The following MFHAS1 variants were observed in gnomAD, a reference collection of about 807,000 sequenced individuals.
MFHAS1 encodes multifunctional ROCO family signaling regulator 1.
MFHAS1 carries 50 observed loss-of-function variants against 70.4 expected under a neutral mutation model. The observed-to-expected ratio is 0.71, with a 90% CI of 0.57 to 0.90. The LOEUF (loss-of-function observed/expected upper bound fraction) is 0.90. Ranked by LOEUF, MFHAS1 falls within the 40% of genes least tolerant of loss-of-function variation. The probability of loss-of-function intolerance (pLI) is 0.00; values close to 1 mark genes in which losing one functional copy is unlikely to be tolerated. For synonymous variants in MFHAS1, 952 were observed against 620.0 expected (o/e 1.54, Z -7.96); for missense variants, 1,795 against 1,347.6 (o/e 1.33, Z -5.20).
rs201875377 is a variant in MFHAS1, at chr8:8,891,366, C to G, written c.1693G>C (p.Asp565His). Residue 565 changes from aspartate (D) to histidine (H), a missense_variant, in exon 1 of 3, where the codon GAC (aspartate) becomes CAC (histidine). Physicochemically the swap from Asp to His is moderately conservative, Grantham distance 81. Coordinates refer to ENST00000276282, the MANE Select transcript of MFHAS1 (RefSeq NM_004225.3). This position sits in a 1 kb window ranked among gnomAD's most constrained non-coding sequence, Gnocchi z 5.4. ...HRQIALQEKHDAEGLSRLAKV... is the reference protein window; with the variant it reads ...HRQIALQEKHHAEGLSRLAKV... ...GCCAAGCGGCTCAGTCCCTCCGCGT[C>G]GTGCTTCTCCTGCAGGGCGATCTGG... is the stretch of plus-strand genomic sequence containing the variant. 5 of 1,611,250 alleles carry G rather than the reference C, an allele frequency of 3.1e-6. No individual in the cohort carries two copies. Among genetic ancestry groups the G allele is most frequent in the Non-Finnish European group, 4.2e-6 (5 of 1,180,030 alleles).
chr8:8,862,388 G>GT (rs11446754), intron 1 of MFHAS1, among the ~76,000 whole-genome samples: 69,997 of 146,916 alleles, frequency 0.48, 16,993 homozygotes, highest in East Asian at 0.71. Context: ...GCTATAAGAG[G>GT]TTTTTTTTTT....
intron 1 of MFHAS1, among the ~76,000 whole-genome samples, chr8:8,849,014 A>G (rs1400598147): frequency 6.6e-6 from 1 of 151,510 alleles, no homozygotes; most frequent in Non-Finnish European, 1.5e-5. Context: ...CTAGCAGGGT[A>G]AAGGTACACA....
At position 8,783,387 on chromosome 8, in the gene MFHAS1, C is replaced by CT. The variant is rs1563170746; in HGVS notation, c.*2634dup. On this transcript the variant is annotated 3_prime_UTR_variant, in exon 3 of 3. Transcript: ENST00000276282. ...TTTCTTTGTATTTTTATTGATTTTT[C>CT]TTTTTTAATTTCTGCCCAGTTACAA... is the stretch of plus-strand genomic sequence containing the variant. The CT allele has an allele frequency of 6.6e-6, 1 of 152,078 alleles. No homozygotes were observed. The highest frequency in any genetic ancestry group is 2.4e-5 in the African/African-American group (1 of 41,406). The allele number at this position is 152,078 out of a possible 1,614,324, so 9.4% of individuals were successfully genotyped here.
intron 1 of MFHAS1, among the ~76,000 whole-genome samples, chr8:8,862,951 G>A (rs543332172): frequency 3.0e-4 from 45 of 152,298 alleles, no homozygotes; most frequent in African/African-American, 1.0e-3. Context: ...TTTCTCCTAT[G>A]CTTCCTTGGT....
At chr8:8,880,144 A>G (rs1041459919) in intron 1 of MFHAS1, among the ~76,000 whole-genome samples, 1 of 152,094 alleles carries the variant, frequency 6.6e-6, no homozygotes, top group South Asian at 2.1e-4. Flanking sequence ...GATCCCCACA[A>G]CCGTGTCCAA....
rs550753706 is a variant in MFHAS1, at chr8:8,812,187, A to G, written c.2999-14696T>C. On this transcript the variant is annotated intron_variant, in intron 1 of 2. Transcript: ENST00000276282. ...GGAGAAGCCCGTAAGTGTAGTGCAA[A>G]ATGTCCTCTTCTGAATCGTAGTTGC... 3.5e-3 allele frequency among the ~76,000 whole-genome samples: 527 copies of G among 152,182 alleles called. 8 individuals carry two copies. The highest frequency in any genetic ancestry group is 5.0e-3 in the Non-Finnish European group (339 of 68,012).
Position 8,785,737 on chromosome 8 carries a change from C to CTTTT in MFHAS1, c.*281_*284dup, listed in dbSNP as rs36026181. On this transcript the variant is annotated 3_prime_UTR_variant, in exon 3 of 3. Transcript: ENST00000276282. ...ACAAAATCCCTGAGAAGCCATTCGA[C>CTTTT]TTTTTTTTTTTTTTTTTCTTTTCTT... The CTTTT allele has an allele frequency of 5.2e-5, 12 of 230,002 alleles. No homozygotes were observed. The highest frequency in any genetic ancestry group is 1.4e-3 in the Middle Eastern group (1 of 708). The allele number at this position is 230,002 out of a possible 1,614,324, so 14.2% of individuals were successfully genotyped here. A position where few individuals can be genotyped will look rare whatever the true frequency, so the allele number is the denominator to read the frequency against.
intron 2 of MFHAS1, among the ~76,000 whole-genome samples, chr8:8,793,565 C>G (rs1429731440): frequency 6.6e-6 from 1 of 152,240 alleles, no homozygotes; most frequent in Non-Finnish European, 1.5e-5. Context: ...CCCAACATGA[C>G]TGACAGCCGT....
In MFHAS1 at chr8:8,875,415, T is replaced by C. The variant is rs77545356; in HGVS notation, c.2998+14646A>G. On this transcript the variant is annotated intron_variant, in intron 1 of 2. Transcript: ENST00000276282. ...CTGTATAAATACTAATCACAGGAAATTATATCCATGTTAGCATAAGTTTAA... is the reference window on the plus strand; with the variant it reads ...CTGTATAAATACTAATCACAGGAAACTATATCCATGTTAGCATAAGTTTAA... 7.0e-3 allele frequency among the ~76,000 whole-genome samples: 1,060 copies of C among 152,322 alleles called. 17 individuals are homozygous for C. The highest frequency in any genetic ancestry group is 0.025 in the African/African-American group (1,022 of 41,568).
intron 1 of MFHAS1, among the ~76,000 whole-genome samples, chr8:8,801,338 T>G (rs990839567): frequency 1.3e-5 from 2 of 152,218 alleles, no homozygotes; most frequent in Non-Finnish European, 2.9e-5. Flanking sequence ...TTGGGTCTTA[T>G]CTCTAGCAGG....
At chr8:8,802,408 A>G (rs1806111149) in intron 1 of MFHAS1, among the ~76,000 whole-genome samples, 1 of 152,228 alleles carries the variant, frequency 6.6e-6, no homozygotes, top group East Asian at 1.9e-4. Flanking sequence ...CTATTACTGT[A>G]GTCACGAGAA....
chr8:8,822,371 C>G (rs1325735190), intron 1 of MFHAS1, among the ~76,000 whole-genome samples: 1 of 152,070 alleles, frequency 6.6e-6, no homozygotes, highest in African/African-American at 2.4e-5. Context: ...GTGACCATGC[C>G]TGATGCAGAG....
intron 1 of MFHAS1, among the ~76,000 whole-genome samples, chr8:8,823,794 C>T (rs762410746): frequency 6.9e-6 from 1 of 145,556 alleles, no homozygotes; most frequent in Non-Finnish European, 1.5e-5. Context: ...TGATGTAGCA[C>T]AGAAGATAGT....
At chr8:8,804,325 T>G (rs1307083901) in intron 1 of MFHAS1, among the ~76,000 whole-genome samples, 1 of 152,148 alleles carries the variant, frequency 6.6e-6, no homozygotes, top group African/African-American at 2.4e-5. Context: ...GTAAGGAAAT[T>G]TCCATTTTCA....
At position 8,864,161 on chromosome 8, in the gene MFHAS1, T is replaced by C. The variant is rs113153705; in HGVS notation, c.2998+25900A>G. ...TAAAGCCTTCTTCCCTGGCAACACTTGTCTCAGCAGTGATTGGCTTTCTGT... is the reference window on the plus strand; with the variant it reads ...TAAAGCCTTCTTCCCTGGCAACACTCGTCTCAGCAGTGATTGGCTTTCTGT... On this transcript the variant is annotated intron_variant, in intron 1 of 2. Transcript: ENST00000276282. Among the ~76,000 whole-genome samples the C allele has an allele frequency of 5.2e-3, 791 of 152,338 alleles. 6 individuals are homozygous for C. The highest frequency in any genetic ancestry group is 0.018 in the African/African-American group (757 of 41,574).
At chr8:8,820,396 G>A (rs1393559336) in intron 1 of MFHAS1, among the ~76,000 whole-genome samples, 1 of 152,048 alleles carries the variant, frequency 6.6e-6, no homozygotes, top group African/African-American at 2.4e-5. Context: ...CTTCCAAGCA[G>A]AATCAAGCCA....
intron 1 of MFHAS1, among the ~76,000 whole-genome samples, chr8:8,862,853 T>C (rs1808719043): frequency 6.6e-6 from 1 of 152,252 alleles, no homozygotes. Context: ...TCATGCCTTC[T>C]GTGCAATTTT....
chr8:8,803,127 G>C (rs1440490215), intron 1 of MFHAS1, among the ~76,000 whole-genome samples: 1 of 152,182 alleles, frequency 6.6e-6, no homozygotes, highest in Admixed American at 6.5e-5. Context: ...AACAAGGTTT[G>C]CTCTTGGCTC....
At chr8:8,880,853 T>A (rs1470486371) in intron 1 of MFHAS1, among the ~76,000 whole-genome samples, 1 of 151,976 alleles carries the variant, frequency 6.6e-6, no homozygotes, top group Non-Finnish European at 1.5e-5. Flanking sequence ...CCTGGCTAAT[T>A]TTTGTATTTT....
Sources: allele counts gnomAD v4.1 joint callset (sites outside exome capture counted in the v4.1 genomes callset), GRCh38; gene constraint gnomAD v4.1.1; non-coding constraint Gnocchi (gnomAD v3.1); transcripts MANE v1.5; gene names NCBI Gene and HGNC (gene_info 2026-07-23, HGNC 2026-07-21).